Variants in PUDP observed in about 807,000 individuals in gnomAD.
PUDP encodes pseudouridine-5'-phosphatase.
A neutral mutation model predicts 9.4 loss-of-function variants in PUDP; 8 were observed. The ratio of observed to expected loss-of-function variants is 0.85; its 90% confidence interval spans 0.50 to 1.53. PUDP has a LOEUF of 1.53. Among genes scored for constraint, PUDP ranks in the 40% most tolerant of loss-of-function variants. The pLI, the probability that PUDP is intolerant of heterozygous loss-of-function variation, is 0.00. For synonymous variants in PUDP, 99 were observed against 80.7 expected (o/e 1.23, Z -1.22); for missense variants, 188 against 189.7 (o/e 0.99, Z 0.05).
At chrX:6,812,307 T>C (rs4914908) in intron 3 of PUDP, among the ~76,000 whole-genome samples, 16,123 of 111,520 alleles carry the variant, frequency 0.14, 939 homozygotes, top group East Asian at 0.29. Context: ...CTTGCAAGGA[T>C]GATGAATAGG....
intron 3 of PUDP, among the ~76,000 whole-genome samples, chrX:6,753,021 G>C (rs1925123149): frequency 9.0e-6 from 1 of 110,779 alleles, no homozygotes; most frequent in Admixed American, 9.7e-5. Context: ...TAAGTGCCTA[G>C]ACATTTATTA....
intron 3 of PUDP, among the ~76,000 whole-genome samples, chrX:6,961,431 C>G (rs775730658): frequency 2.8e-4 from 31 of 111,094 alleles, no homozygotes; most frequent in Admixed American, 1.7e-3. Context: ...TTGGTGTCTC[C>G]TCTCAAGCAT....
intron 3 of PUDP, among the ~76,000 whole-genome samples, chrX:6,886,974 G>A (rs1029784984): frequency 1.9e-5 from 2 of 106,251 alleles, no homozygotes; most frequent in African/African-American, 6.8e-5. Flanking sequence ...GAAACATGCA[G>A]CTCCAAATAT....
At chrX:6,869,855 C>G (rs1555913967) in intron 3 of PUDP, among the ~76,000 whole-genome samples, 1 of 110,780 alleles carries the variant, frequency 9.0e-6, no homozygotes, top group Admixed American at 9.7e-5. Flanking sequence ...TATTGAAATT[C>G]CTCTAAAAAT....
chrX:6,888,140 T>C (rs1383114474), intron 3 of PUDP, among the ~76,000 whole-genome samples: 1 of 111,245 alleles, frequency 9.0e-6, no homozygotes, highest in East Asian at 2.8e-4. Context: ...CAAGACCGTG[T>C]ATTAAAATTC....
chrX:6,781,885 ACT>A (rs1925567934), intron 3 of PUDP, among the ~76,000 whole-genome samples: 1 of 111,885 alleles, frequency 8.9e-6, no homozygotes, highest in Non-Finnish European at 1.9e-5. Flanking sequence ...AGGCTGAGAA[ACT>A]CTGTTCTTTT....
rs182687378 is a variant in PUDP at position 6,781,671 on chromosome X, A to C, written c.*248-75205T>G. The stretch of plus-strand genomic sequence containing the variant: ...GGAGTGCTTTAATGAGCCTAAGTAA[A>C]TCCTTTGCCTCCTTTGTAAAGTTCC... On this transcript the variant is annotated intron_variant and NMD_transcript_variant, in intron 3 of 3. Transcript: ENST00000655425. Among the ~76,000 whole-genome samples the C allele has an allele frequency of 7.1e-5, 8 of 112,276 alleles. No homozygotes were observed. The East Asian group carries it at 2.2e-3, about 32-fold the overall frequency.
chrX:7,081,073 T>A (rs915754128), intron 2 of PUDP, among the ~76,000 whole-genome samples: 33 of 112,161 alleles, frequency 2.9e-4, no homozygotes, highest in African/African-American at 8.7e-4. Flanking sequence ...TGGAGCACAC[T>A]TAAACACATG....
At chrX:7,032,978 T>C (rs189102306) in intron 1 of PUDP, among the ~76,000 whole-genome samples, 214 of 111,719 alleles carry the variant, frequency 1.9e-3, no homozygotes, top group Non-Finnish European at 3.5e-3. Context: ...AATATTTGAG[T>C]CAGTGGACTG....
intron 3 of PUDP, among the ~76,000 whole-genome samples, chrX:6,791,450 A>C (rs1265016101): frequency 1.8e-5 from 2 of 111,932 alleles, no homozygotes; most frequent in African/African-American, 6.5e-5. Context: ...ATCTGCAAAG[A>C]GTAACCAAGG....
intron 1 of PUDP, among the ~76,000 whole-genome samples, chrX:6,998,545 CA>C (rs1929281631): frequency 9.0e-6 from 1 of 110,825 alleles, no homozygotes; most frequent in Admixed American, 9.6e-5. Context: ...AAAAACCTCA[CA>C]AAAAACAACC....
At chrX:6,833,875 T>C (rs1041289166) in intron 3 of PUDP, among the ~76,000 whole-genome samples, 2 of 112,252 alleles carry the variant, frequency 1.8e-5, no homozygotes, top group Non-Finnish European at 3.8e-5. Context: ...GTTAAAAAAT[T>C]GATGGTTTCC....
intron 3 of PUDP, among the ~76,000 whole-genome samples, chrX:6,932,305 G>A (rs1408265386): frequency 2.7e-5 from 3 of 111,907 alleles, no homozygotes; most frequent in Non-Finnish European, 5.6e-5. Context: ...CTTGCCGGGA[G>A]GGCTTCTCCT....
intron 2 of PUDP, among the ~76,000 whole-genome samples, chrX:6,706,039 T>G (rs942430435): frequency 1.8e-5 from 2 of 112,575 alleles, no homozygotes; most frequent in Non-Finnish European, 3.7e-5. Context: ...TCACACCATG[T>G]GAACTAAGCA....
At chrX:6,956,113 G>A (rs1392013681) in intron 3 of PUDP, among the ~76,000 whole-genome samples, 3 of 112,202 alleles carry the variant, frequency 2.7e-5, no homozygotes, top group South Asian at 3.7e-4. Flanking sequence ...GCAGTGGTGC[G>A]ATCTCAGCTC....
chrX:6,813,917 G>A (rs1304243435), intron 3 of PUDP, among the ~76,000 whole-genome samples: 1 of 111,684 alleles, frequency 9.0e-6, no homozygotes, highest in East Asian at 2.8e-4. Flanking sequence ...TTCCAAGGGG[G>A]TTCACGTGAA....
At chrX:7,146,920 C>T (rs753964417) in intron 1 of PUDP, among the ~76,000 whole-genome samples, 2 of 103,395 alleles carry the variant, frequency 1.9e-5, no homozygotes, top group African/African-American at 7.2e-5. Flanking sequence ...GAATGATATA[C>T]GTAACCAAGC....
intron 3 of PUDP, among the ~76,000 whole-genome samples, chrX:6,733,265 C>A (rs923830893): frequency 6.3e-5 from 7 of 111,856 alleles, no homozygotes; most frequent in Non-Finnish European, 1.3e-4. Flanking sequence ...AGGGAGCCAG[C>A]CAGTCTGCTC....
At chrX:6,901,113 C>G (rs1430527234) in intron 3 of PUDP, among the ~76,000 whole-genome samples, 1 of 111,709 alleles carries the variant, frequency 9.0e-6, no homozygotes, top group Non-Finnish European at 1.9e-5. Flanking sequence ...GGGACTAATA[C>G]AGGACTTGAC....
Sources: allele counts gnomAD v4.1 joint callset (sites outside exome capture counted in the v4.1 genomes callset), GRCh38; gene constraint gnomAD v4.1.1; transcripts MANE v1.5; gene names NCBI Gene and HGNC (gene_info 2026-07-23, HGNC 2026-07-21).